Variants in SHC4 observed in about 807,000 individuals in gnomAD.
The protein encoded by SHC4 is SHC-transforming protein 4.
SHC4 carries 41 observed loss-of-function variants against 69.4 expected under a neutral mutation model. That is an observed-to-expected ratio of 0.59 (90% confidence interval 0.46 to 0.77). SHC4 has a LOEUF of 0.77. Among genes scored for constraint, SHC4 ranks in the 30% least tolerant of loss-of-function variants. The pLI, the probability that SHC4 is intolerant of heterozygous loss-of-function variation, is 0.00. For synonymous variants in SHC4, 318 were observed against 299.3 expected, an observed-to-expected ratio of 1.06 and a Z score of -0.64; for missense variants, 777 against 783.8, an observed-to-expected ratio of 0.99 and a Z score of 0.10.
chr15:48,878,212 A>G (rs1376923383), intron 4 of SHC4: 3 of 1,593,400 alleles, frequency 1.9e-6, no homozygotes, highest in Non-Finnish European at 2.6e-6. Flanking sequence ...AGCTGTATGA[A>G]GAGAGCAGTG....
intron 11 of SHC4, 118 bp from the exon 12 acceptor site, chr15:48,826,244 G>C (rs879084768): frequency 3.2e-5 from 27 of 841,014 alleles, no homozygotes; most frequent in Admixed American, 1.1e-4. Flanking sequence ...GCTGAAAAAA[G>C]AAAAGGTACT....
rs370576623 is a variant in SHC4, at chr15:48,826,109, A to G, written c.1755T>C (p.His585=). The part of the protein sequence containing the change: ...DPEGKVRTKD[H]VFDNVGHLIR... ...TAAGGTGGCCGACATTATCAAATAC[A>G]TGATCCTTGGTCCTCACCTTGAAAA... is the stretch of plus-strand genomic sequence containing the variant. The change falls in exon 12 of 12, where the codon CAT becomes CAC. Residue 585 remains histidine (H), a synonymous_variant. Coordinates refer to ENST00000332408, the MANE Select transcript of SHC4 (RefSeq NM_203349.4). The G allele has an allele frequency of 1.1e-4, 171 of 1,613,088 alleles. 1 individual carries two copies. The highest frequency in any genetic ancestry group is 4.0e-4 in the South Asian group (36 of 90,758).
chr15:48,894,684 T>C lies in SHC4; in HGVS notation c.657-3873A>G, dbSNP rs561402769. Among the ~76,000 whole-genome samples the C allele has an allele frequency of 2.6e-5, 4 of 152,278 alleles. No individual in the cohort carries two copies. The South Asian group carries it at 8.3e-4, about 32-fold the overall frequency. On this transcript the variant is annotated intron_variant, in intron 2 of 11. Transcript: ENST00000332408. ...CCAAAAGTTTCATAAAGATAAAAAA[T>C]CTTGAGCACGTTTAGTAAAGCCTTT... is the stretch of plus-strand genomic sequence containing the variant.
At chr15:48,923,959 A>G (rs1900798971) in intron 2 of SHC4, among the ~76,000 whole-genome samples, 1 of 152,080 alleles carries the variant, frequency 6.6e-6, no homozygotes, top group Non-Finnish European at 1.5e-5. Flanking sequence ...TCAATATACT[A>G]TTGTATACTG....
At chr15:48,891,213 C>T (rs1900132102) in intron 2 of SHC4, among the ~76,000 whole-genome samples, 1 of 152,058 alleles carries the variant, frequency 6.6e-6, no homozygotes, top group African/African-American at 2.4e-5. Context: ...TTCATAGTAT[C>T]TCAGAACTAA....
intron 2 of SHC4, among the ~76,000 whole-genome samples, chr15:48,892,181 C>T (rs1473421167): frequency 2.6e-5 from 4 of 152,074 alleles, no homozygotes; most frequent in Non-Finnish European, 5.9e-5. Context: ...AAAACTACAG[C>T]TATGATATTT....
At chr15:48,940,979 C>G (rs1260448591) in intron 1 of SHC4, among the ~76,000 whole-genome samples, 1 of 152,144 alleles carries the variant, frequency 6.6e-6, no homozygotes, top group Non-Finnish European at 1.5e-5. Flanking sequence ...CAAGAGTTGT[C>G]TGTACCTGGA....
At chr15:48,948,827 G>A (rs1901319685) in intron 1 of SHC4, among the ~76,000 whole-genome samples, 1 of 151,328 alleles carries the variant, frequency 6.6e-6, no homozygotes, top group South Asian at 2.1e-4. Flanking sequence ...GATGGCTTGA[G>A]CCTGGGAGGT....
chr15:48,956,255 CA>C (rs893003215), intron 1 of SHC4, among the ~76,000 whole-genome samples: 12 of 152,278 alleles, frequency 7.9e-5, no homozygotes, highest in Admixed American at 7.2e-4. Flanking sequence ...AGGAAATTTA[CA>C]AAGGCAGAAA....
chr15:48,955,351 G>A (rs1483083311), intron 1 of SHC4, among the ~76,000 whole-genome samples: 1 of 152,166 alleles, frequency 6.6e-6, no homozygotes, highest in Non-Finnish European at 1.5e-5. Context: ...GGGGCAGCCT[G>A]TGTGCATCAT....
chr15:48,858,645 G>T (rs1899378694), intron 6 of SHC4, among the ~76,000 whole-genome samples: 1 of 152,200 alleles, frequency 6.6e-6, no homozygotes, highest in African/African-American at 2.4e-5. Flanking sequence ...CCTACCATAT[G>T]TAACATCATT....
rs1022392820 is a variant in SHC4 at position 48,963,856 on chromosome 15, T to G, written c.-841A>C. On this transcript the variant is annotated 5_prime_UTR_variant, in exon 1 of 12. Transcript: ENST00000332408. Reference sequence around the variant, plus strand: ...AGGATGATACGCAGCGTGTTGAAATTTTTATGAATGAACTTTGCCGAATGA... The same window carrying G: ...AGGATGATACGCAGCGTGTTGAAATGTTTATGAATGAACTTTGCCGAATGA... Among the ~76,000 whole-genome samples the G allele has an allele frequency of 2.6e-5, 4 of 152,216 alleles. No homozygotes were observed. Among genetic ancestry groups the G allele is most frequent in the African/African-American group, 7.2e-5 (3 of 41,448 alleles).
Position 48,890,797 on chromosome 15 carries a change from C to G in SHC4, c.671G>C (p.Arg224Pro). The change falls in exon 3 of 12, where the codon CGC becomes CCC. Residue 224 changes from arginine (R) to proline (P), a missense_variant. Coordinates refer to ENST00000332408, the MANE Select transcript of SHC4 (RefSeq NM_203349.4). ...TGCCCCGGGGACAGCTTCACACAGG[C>G]GACTTATTGCTTCCCTAAAGAACAG... ...RTQVTREAIS[R>P]LCEAVPGANG... The G allele has an allele frequency of 1.2e-6, 2 of 1,614,144 alleles. No individual in the cohort carries two copies. The highest frequency in any genetic ancestry group is 2.7e-5 in the African/African-American group (2 of 75,046).
chr15:48,932,241 C>A (rs2141028796), intron 1 of SHC4, among the ~76,000 whole-genome samples: 1 of 152,256 alleles, frequency 6.6e-6, no homozygotes, highest in South Asian at 2.1e-4. Context: ...CAGAGCTTCC[C>A]AAACTTTAGA....
chr15:48,834,066 C>CA (rs1406999059), intron 11 of SHC4, among the ~76,000 whole-genome samples: 1 of 152,158 alleles, frequency 6.6e-6, no homozygotes, highest in East Asian at 1.9e-4. Context: ...TCAAAACTGC[C>CA]AATGCCTCCC....
chr15:48,925,016 G>C, intron 1 of SHC4, 67 bp from the exon 2 acceptor site: 1 of 1,535,582 alleles, frequency 6.5e-7, no homozygotes, highest in Non-Finnish European at 9.0e-7. Context: ...TTAGCTTCAC[G>C]GCAACTTCCT....
intron 2 of SHC4, among the ~76,000 whole-genome samples, chr15:48,904,224 G>C (rs1900365382): frequency 6.6e-6 from 1 of 152,172 alleles, no homozygotes. Flanking sequence ...AGGCAGGGCA[G>C]ATCTGATTTC....
chr15:48,940,722 C>A (rs994749182), intron 1 of SHC4, among the ~76,000 whole-genome samples: 8 of 152,192 alleles, frequency 5.3e-5, no homozygotes, highest in Non-Finnish European at 1.0e-4. Flanking sequence ...GGGCAAAGAA[C>A]CTCATTGACG....
intron 2 of SHC4, among the ~76,000 whole-genome samples, chr15:48,898,252 C>T (rs565046407): frequency 9.9e-5 from 15 of 152,182 alleles, no homozygotes; most frequent in African/African-American, 3.1e-4. Context: ...AGAACAGGAA[C>T]CTGCCTCTGT....
Sources: gnomAD v4.1 joint callset for allele counts (sites outside exome capture counted in the v4.1 genomes callset) on GRCh38, gnomAD v4.1.1 for gene constraint, MANE v1.5 for transcripts, NCBI Gene and HGNC (gene_info 2026-07-23, HGNC 2026-07-21) for gene names.